The following MAPK14 variants were observed in gnomAD, a reference collection of about 807,000 sequenced individuals.
The protein encoded by MAPK14 is CSAID-binding protein.
In MAPK14, 16 loss-of-function variants were observed where a neutral mutation model predicts 49.6. The ratio of observed to expected loss-of-function variants is 0.32; its 90% CI spans 0.22 to 0.49. The LOEUF is 0.49. Ranked by LOEUF, MAPK14 falls within the 20% of genes least tolerant of loss-of-function variation. The probability of loss-of-function intolerance (pLI) is 0.99; values close to 1 mark genes in which losing one functional copy is unlikely to be tolerated. For missense variants in MAPK14, 200 were observed against 441.2 expected (o/e 0.45, Z 4.90); for synonymous variants, 142 against 158.0 (o/e 0.90, Z 0.76).
chr6:36,044,072 A>C (rs1290586925), intron 1 of MAPK14, among the ~76,000 whole-genome samples: 1 of 151,842 alleles, frequency 6.6e-6, no homozygotes, highest in East Asian at 1.9e-4. Flanking sequence ...GGCCTCCCAA[A>C]GTTCTGGGAT....
intron 9 of MAPK14, among the ~76,000 whole-genome samples, chr6:36,099,985 G>T (rs1309868394): frequency 1.3e-5 from 2 of 152,148 alleles, no homozygotes; most frequent in Non-Finnish European, 2.9e-5. Context: ...TATCTGCATG[G>T]CCAGTCACTG....
At chr6:36,088,860 C>T (rs1765102712) in intron 8 of MAPK14, among the ~76,000 whole-genome samples, 1 of 152,126 alleles carries the variant, frequency 6.6e-6, no homozygotes, top group Non-Finnish European at 1.5e-5. Flanking sequence ...CAATGAGATA[C>T]TGTCTCATGC....
chr6:36,078,415 ATAGG>A (rs1412082440), intron 8 of MAPK14, among the ~76,000 whole-genome samples: 1 of 152,164 alleles, frequency 6.6e-6, no homozygotes, highest in Non-Finnish European at 1.5e-5. Flanking sequence ...TAATTCTGTG[ATAGG>A]TAGGAAAGGA....
chr6:36,073,637 T>C (rs1204345764), intron 4 of MAPK14, 54 bp from the exon 5 acceptor site: 2 of 1,401,198 alleles, frequency 1.4e-6, no homozygotes, highest in Non-Finnish European at 2.0e-6. Context: ...AAATATGTTA[T>C]ATAATATGAC....
chr6:36,111,020 G>C lies in MAPK14; in HGVS notation c.*2573G>C, dbSNP rs1455766693. ...ATTGGGGCCTGTCTTATCTACACTCGAGTGTAAGAGTGGCCGAAATGACAG... is the reference window on the plus strand; with the variant it reads ...ATTGGGGCCTGTCTTATCTACACTCCAGTGTAAGAGTGGCCGAAATGACAG... On this transcript the variant is annotated 3_prime_UTR_variant, in exon 12 of 12. Transcript: ENST00000229794. The C allele has an allele frequency of 6.6e-6, 1 of 152,200 alleles. No homozygotes were observed. The highest frequency in any genetic ancestry group is 1.5e-5 in the Non-Finnish European group (1 of 68,032). The allele number at this position is 152,200 out of a possible 1,614,324, so 9.4% of individuals were successfully genotyped here. A position where few individuals can be genotyped will look rare whatever the true frequency, so the allele number is the denominator to read the frequency against.
intron 8 of MAPK14, among the ~76,000 whole-genome samples, chr6:36,088,350 A>G (rs1472792060): frequency 1.3e-5 from 2 of 152,180 alleles, no homozygotes; most frequent in African/African-American, 4.8e-5. Flanking sequence ...AGTTTTTGCA[A>G]TCTATCCATC....
chr6:36,090,191 G>A (rs16884628), intron 8 of MAPK14, among the ~76,000 whole-genome samples: 21,033 of 151,872 alleles, frequency 0.14, 1,758 homozygotes, highest in African/African-American at 0.24. Context: ...CAGACATACT[G>A]CTAGACAAAG....
intron 2 of MAPK14, among the ~76,000 whole-genome samples, chr6:36,054,003 G>GTTTTTTTTTTTTTTTTTTTT (rs1562112079): frequency 2.6e-5 from 4 of 151,922 alleles, no homozygotes; most frequent in Admixed American, 6.6e-5. Context: ...GCAAACCAGA[G>GTTTTTTTTTTTTTTTTTTTT]TTTTAAGAAT....
At chr6:36,050,985 G>A (rs1763372397) in intron 1 of MAPK14, among the ~76,000 whole-genome samples, 1 of 152,164 alleles carries the variant, frequency 6.6e-6, no homozygotes, top group African/African-American at 2.4e-5. Context: ...GTACAGAGTT[G>A]TAAAAGCAAG....
At chr6:36,086,058 C>T (rs968524351) in intron 8 of MAPK14, among the ~76,000 whole-genome samples, 8 of 152,142 alleles carry the variant, frequency 5.3e-5, no homozygotes, top group Non-Finnish European at 1.2e-4. Flanking sequence ...TGAATGACTC[C>T]TGGATAAATA....
chr6:36,120,044 G>A, the MAPK14 span, among the ~76,000 whole-genome samples: 2 of 152,176 alleles, frequency 1.3e-5, no homozygotes, highest in East Asian at 3.8e-4. Flanking sequence ...GCTGCCAAGA[G>A]CCAGACAGCT....
chr6:36,028,333 A>G lies in MAPK14; in HGVS notation c.116+60A>G. ...GGGTGGCCCCTCGCGCCCGAGGGCC[A>G]GGCCTGCTCCACTGCTCAGCGTTGC... On this transcript the variant is annotated intron_variant, in intron 1 of 11. Transcript: ENST00000229794. The surrounding 1 kb of genome is among the most constrained non-coding windows in gnomAD (Gnocchi z 5.1). 2 of 1,205,124 alleles carry G rather than the reference A, an allele frequency of 1.7e-6. No homozygotes were observed. Among genetic ancestry groups the G allele is most frequent in the South Asian group, 2.4e-5 (2 of 81,896 alleles). The allele number at this position is 1,205,124 out of a possible 1,614,324, so 74.7% of individuals were successfully genotyped here. A position where few individuals can be genotyped will look rare whatever the true frequency, so the allele number is the denominator to read the frequency against.
chr6:36,078,117 C>A (rs1351287482), intron 8 of MAPK14, among the ~76,000 whole-genome samples: 1 of 152,204 alleles, frequency 6.6e-6, no homozygotes, highest in African/African-American at 2.4e-5. Flanking sequence ...GCTCTGGAGC[C>A]AGATTTCCTG....
At position 36,059,358 on chromosome 6, in the gene MAPK14, T is replaced by G; in HGVS notation, c.305+11T>G. ...GGAATTCAATGATGTGTGAGTAAAT[T>G]TTTTGCATTTGCCTTCCTGGTCTAC... On this transcript the variant is annotated intron_variant, in intron 3 of 11. Transcript: ENST00000229794. 1 of 1,605,904 alleles carries G rather than the reference T, an allele frequency of 6.2e-7. No homozygotes were observed. The highest frequency in any genetic ancestry group is 8.5e-7 in the Non-Finnish European group (1 of 1,172,850).
intron 2 of MAPK14, among the ~76,000 whole-genome samples, chr6:36,054,455 A>G (rs1013846370): frequency 6.6e-6 from 1 of 152,200 alleles, no homozygotes; most frequent in Non-Finnish European, 1.5e-5. Flanking sequence ...ATAGGATTTT[A>G]ATTTCTATAC....
downstream of MAPK14, among the ~76,000 whole-genome samples, chr6:36,115,935 A>G (rs577429230): frequency 1.3e-5 from 2 of 151,584 alleles, no homozygotes; most frequent in South Asian, 4.2e-4. Flanking sequence ...CTCAAAAAAA[A>G]AAAAAAAAAT....
intron 9 of MAPK14, chr6:36,097,672 G>A (rs1301194959): frequency 6.6e-6 from 1 of 152,084 alleles, no homozygotes; most frequent in African/African-American, 2.4e-5. Context: ...CGTGCTATTA[G>A]TCATTTGGAA....
At chr6:36,114,739 A>G (rs1352641194), downstream of MAPK14, among the ~76,000 whole-genome samples, 1 of 152,154 alleles carries the variant, frequency 6.6e-6, no homozygotes, top group Admixed American at 6.5e-5. Flanking sequence ...AGGTCATTTC[A>G]TTTCTTAAAA....
At chr6:36,091,265 C>T (rs1368709982) in intron 8 of MAPK14, among the ~76,000 whole-genome samples, 2 of 150,898 alleles carry the variant, frequency 1.3e-5, no homozygotes, top group African/African-American at 4.9e-5. Flanking sequence ...TTTTTCTTTA[C>T]CTGTTCATTC....
Sources: gnomAD v4.1 joint callset for allele counts (sites outside exome capture counted in the v4.1 genomes callset) on GRCh38, gnomAD v4.1.1 for gene constraint, Gnocchi (gnomAD v3.1) non-coding constraint, MANE v1.5 for transcripts, NCBI Gene and HGNC (gene_info 2026-07-23, HGNC 2026-07-21) for gene names.